Variants in TMEM156 observed in about 807,000 individuals in gnomAD.
TMEM156 encodes the protein transmembrane protein 156.
Under a neutral mutation model 30.5 loss-of-function variants are expected in TMEM156, and 28 were observed. That is an observed-to-expected ratio of 0.92 (90% CI 0.68 to 1.26). The LOEUF (loss-of-function observed/expected upper bound fraction) is 1.26. Ranked by LOEUF, TMEM156 falls within the 50% of genes most tolerant of loss-of-function variation. The pLI is 0.00. For synonymous variants in TMEM156, 137 were observed against 119.9 expected (o/e 1.14, Z -0.93); for missense variants, 351 against 340.6 (o/e 1.03, Z -0.24).
At chr4:38,994,023 A>G in intron 2 of TMEM156, 25 bp from the exon 3 acceptor site, 1 of 1,594,362 alleles carries the variant, frequency 6.3e-7, no homozygotes, top group South Asian at 1.1e-5. Context: ...AGAAAATGTT[A>G]TTTGCAAAAT....
rs138727017 is a variant in TMEM156, at chr4:38,990,791, G to T, written c.620-1821C>A. On this transcript the variant is annotated intron_variant, in intron 3 of 6. Coordinates refer to ENST00000381938, the MANE Select transcript of TMEM156 (RefSeq NM_024943.3). ...TTTACTCCCACCAAAGTACAAAGTT[G>T]GTTGTTGCTGTTGCTTTGTTTTTTT... Among the ~76,000 whole-genome samples, 685 of 149,738 alleles carry T rather than the reference G, an allele frequency of 4.6e-3. 5 individuals are homozygous for T. Among genetic ancestry groups the T allele is most frequent in the African/African-American group, 0.016 (642 of 40,676 alleles).
At chr4:38,975,128 T>C (rs1398614201) in intron 5 of TMEM156, among the ~76,000 whole-genome samples, 1 of 152,066 alleles carries the variant, frequency 6.6e-6, no homozygotes, top group Non-Finnish European at 1.5e-5. Context: ...TTCTAAAGGG[T>C]AAATGACAAA....
chr4:39,027,114 T>C (rs778450942), intron 1 of TMEM156, among the ~76,000 whole-genome samples: 14 of 152,320 alleles, frequency 9.2e-5, no homozygotes, highest in Middle Eastern at 3.4e-3. Context: ...GTAAAATATA[T>C]GTCAAAGTAC....
chr4:39,007,543 C>T (rs1713824558), intron 1 of TMEM156, among the ~76,000 whole-genome samples: 1 of 152,056 alleles, frequency 6.6e-6, no homozygotes, highest in Admixed American at 6.5e-5. Flanking sequence ...CAACTTCTGC[C>T]TCCCGAGTTC....
Position 38,971,155 on chromosome 4 carries a change from C to T in TMEM156, c.824-18G>A. 1 of 1,612,090 alleles carries T rather than the reference C, an allele frequency of 6.2e-7. No homozygotes were observed. Among genetic ancestry groups the T allele is most frequent in the Non-Finnish European group, 8.5e-7 (1 of 1,178,288 alleles). On this transcript the variant is annotated intron_variant, in intron 5 of 6. Coordinates refer to ENST00000381938, the MANE Select transcript of TMEM156 (RefSeq NM_024943.3). ...GGTCTCTGCTATTTAAGAAGGAGAA[C>T]TGTTTTAGTCTATATGTAGTAAATA...
Position 38,974,898 on chromosome 4 carries a change from C to A in TMEM156, c.824-3761G>T, listed in dbSNP as rs145588803. Among the ~76,000 whole-genome samples the A allele has an allele frequency of 3.1e-3, 467 of 152,170 alleles. 1 individual carries two copies. Among genetic ancestry groups the A allele is most frequent in the African/African-American group, 1.0e-2 (415 of 41,514 alleles). ...ATGTTGGCCAGGCTAGTCTCAAACTCCTGACCTCAGGTGAACCGCCCACCT... is the reference window on the plus strand; with the variant it reads ...ATGTTGGCCAGGCTAGTCTCAAACTACTGACCTCAGGTGAACCGCCCACCT... On this transcript the variant is annotated intron_variant, in intron 5 of 6. Coordinates refer to ENST00000381938, the MANE Select transcript of TMEM156 (RefSeq NM_024943.3).
chr4:39,012,832 G>C (rs1396353812), intron 1 of TMEM156, among the ~76,000 whole-genome samples: 1 of 152,142 alleles, frequency 6.6e-6, no homozygotes, highest in East Asian at 1.9e-4. Context: ...CCAGCTACTT[G>C]GGAGGCTGAG....
intron 1 of TMEM156, among the ~76,000 whole-genome samples, chr4:39,007,441 C>T (rs1353760705): frequency 6.9e-6 from 1 of 144,058 alleles, no homozygotes; most frequent in African/African-American, 2.8e-5. Flanking sequence ...ATTTATTTAT[C>T]TATTTTTTAT....
chr4:38,993,588 G>T, intron 3 of TMEM156, 150 bp downstream of exon 3: 1 of 713,334 alleles, frequency 1.4e-6, no homozygotes, highest in Non-Finnish European at 2.3e-6. Flanking sequence ...AAAATAAACA[G>T]ATAAATAGAC....
At chr4:38,991,691 C>T (rs1409072429) in intron 3 of TMEM156, among the ~76,000 whole-genome samples, 1 of 151,850 alleles carries the variant, frequency 6.6e-6, no homozygotes, top group Non-Finnish European at 1.5e-5. Context: ...ACACAAAAAT[C>T]TTAAAATTAT....
At chr4:38,972,817 T>C (rs1383986460) in intron 5 of TMEM156, among the ~76,000 whole-genome samples, 1 of 152,148 alleles carries the variant, frequency 6.6e-6, no homozygotes, top group Non-Finnish European at 1.5e-5. Context: ...AGCTCCTTAT[T>C]TACTAGAGAT....
chr4:38,975,379 C>CTT (rs200919074), intron 5 of TMEM156, among the ~76,000 whole-genome samples: 8 of 123,800 alleles, frequency 6.5e-5, no homozygotes, highest in African/African-American at 1.0e-4. Context: ...TTTCTTTTTT[C>CTT]TTTTCTTTTT....
At chr4:38,982,445 C>T (rs1372464982) in intron 5 of TMEM156, among the ~76,000 whole-genome samples, 1 of 152,180 alleles carries the variant, frequency 6.6e-6, no homozygotes, top group Non-Finnish European at 1.5e-5. Flanking sequence ...TTCTACAAAG[C>T]GTACTATGCC....
At chr4:38,984,896 T>C (rs1185946236) in intron 5 of TMEM156, among the ~76,000 whole-genome samples, 1 of 152,204 alleles carries the variant, frequency 6.6e-6, no homozygotes, top group East Asian at 1.9e-4. Flanking sequence ...CAGGTTTCTT[T>C]GGTGGATGAA....
chr4:39,025,026 T>C (rs1715109104), intron 1 of TMEM156, among the ~76,000 whole-genome samples: 1 of 152,160 alleles, frequency 6.6e-6, no homozygotes, highest in African/African-American at 2.4e-5. Context: ...ATATGATGTT[T>C]TCCTTTGGTC....
Position 39,022,832 on chromosome 4 carries a change from T to C in TMEM156, c.88+9394A>G, listed in dbSNP as rs190054097. 8.5e-5 allele frequency among the ~76,000 whole-genome samples: 13 copies of C among 152,348 alleles called. No individual in the cohort carries two copies. The East Asian group carries it at 2.1e-3, about 25-fold the overall frequency. On this transcript the variant is annotated intron_variant, in intron 1 of 6. Transcript: ENST00000381938. Reference sequence around the variant, plus strand: ...AGGGAACTTTGGAAGAAATGTAGATTATTTCTTTGACTATACATATTCTAA... The same window carrying C: ...AGGGAACTTTGGAAGAAATGTAGATCATTTCTTTGACTATACATATTCTAA...
rs553466845 is a variant in TMEM156 at position 38,978,219 on chromosome 4, C to G, written c.824-7082G>C. 8.5e-5 allele frequency among the ~76,000 whole-genome samples: 13 copies of G among 152,162 alleles called. No homozygotes were observed. In the East Asian group the frequency reaches 2.5e-3, roughly 29 times the overall value. ...TCTCTTATCTCCAAAACTACTTGTT[C>G]AGCTACATTTTATATGGTTATTAAA... On this transcript the variant is annotated intron_variant, in intron 5 of 6. Coordinates refer to ENST00000381938, the MANE Select transcript of TMEM156 (RefSeq NM_024943.3).
intron 1 of TMEM156, among the ~76,000 whole-genome samples, chr4:39,013,746 A>G (rs1451023956): frequency 6.6e-6 from 1 of 152,208 alleles, no homozygotes; most frequent in East Asian, 1.9e-4. Flanking sequence ...TAAAAAAGCT[A>G]AAACAGTCAA....
Position 38,998,768 on chromosome 4 carries a change from G to GGATTTAGAAAGATTCTCATGAT in TMEM156, c.208_229dup (p.Pro77HisfsTer13), listed in dbSNP as rs771845914. 19 of 1,613,712 alleles carry GGATTTAGAAAGATTCTCATGAT rather than the reference G, an allele frequency of 1.2e-5. No homozygotes were observed. The highest frequency in any genetic ancestry group is 1.5e-5 in the Non-Finnish European group (18 of 1,179,946). ...CCTGGTGAAGTTACGAAAATTGGAGGGATTTAGAAAGATTCTCATGATAAT... is the reference window on the plus strand; with the variant it reads ...CCTGGTGAAGTTACGAAAATTGGAGGGATTTAGAAAGATTCTCATGATGATTTAGAAAGATTCTCATGATAAT... On this transcript the variant is annotated frameshift_variant, in exon 2 of 7. Transcript: ENST00000381938. LOFTEE classifies it high-confidence loss of function.
Sources: allele counts gnomAD v4.1 joint callset (sites outside exome capture counted in the v4.1 genomes callset), GRCh38; gene constraint gnomAD v4.1.1; transcripts MANE v1.5; gene names NCBI Gene and HGNC (gene_info 2026-07-23, HGNC 2026-07-21).